CORO2A: variants seen among roughly 807,000 people sequenced by gnomAD.
The protein encoded by CORO2A is coronin 2A, also known as coronin-2A.
CORO2A carries 47 observed loss-of-function variants against 62.4 expected under a neutral mutation model. The ratio of observed to expected loss-of-function variants is 0.75; its 90% CI spans 0.60 to 0.96. The LOEUF (loss-of-function observed/expected upper bound fraction) is 0.96, where lower values mean the gene tolerates loss of function less well. Among genes scored for constraint, CORO2A ranks in the 40% least tolerant of loss-of-function variants. The pLI is 0.00. For synonymous variants in CORO2A, 273 were observed against 268.9 expected, an observed-to-expected ratio of 1.02 and a Z score of -0.15; for missense variants, 610 against 684.1, an observed-to-expected ratio of 0.89 and a Z score of 1.21.
At position 98,127,064 on chromosome 9, in the gene CORO2A, G is replaced by A. The variant is rs1827332322; in HGVS notation, c.1172-241C>T. The A allele has an allele frequency of 7.0e-6, 4 of 569,766 alleles. 1 individual carries two copies. In the South Asian group the frequency reaches 8.5e-5, roughly 12 times the overall value. 35.3% of individuals were successfully genotyped at this position (569,766 alleles called of 1,614,324 possible). A position where few individuals can be genotyped will look rare whatever the true frequency, so the allele number is the denominator to read the frequency against. ...GGTTTGTAGGAACAGCACGGTGCGT[G>A]CACTGAAGCAGCCCCCAAACACTTC... On this transcript the variant is annotated intron_variant, in intron 10 of 11. Coordinates refer to ENST00000375077, the MANE Select transcript of CORO2A (RefSeq NM_052820.4).
chr9:98,129,266 C>CA (rs1294484345), intron 8 of CORO2A, among the ~76,000 whole-genome samples: 3 of 152,158 alleles, frequency 2.0e-5, no homozygotes, highest in African/African-American at 7.2e-5. Flanking sequence ...TCCTGTGACC[C>CA]AAATGCTCTT....
chr9:98,137,444 C>A, intron 3 of CORO2A, 128 bp downstream of exon 3: 1 of 764,102 alleles, frequency 1.3e-6, no homozygotes, highest in South Asian at 1.5e-5. Context: ...CTTAACACCT[C>A]CCCACACAGT....
At chr9:98,149,322 C>T (rs1827691971) in intron 2 of CORO2A, among the ~76,000 whole-genome samples, 1 of 152,222 alleles carries the variant, frequency 6.6e-6, no homozygotes, top group Non-Finnish European at 1.5e-5. Flanking sequence ...TGCAGATTCC[C>T]TGGCCCCACT....
chr9:98,146,166 C>G (rs1827641747), intron 2 of CORO2A, among the ~76,000 whole-genome samples: 1 of 152,188 alleles, frequency 6.6e-6, no homozygotes, highest in African/African-American at 2.4e-5. Flanking sequence ...CTCTGCCTGC[C>G]CTTGCTTTCA....
At position 98,128,297 on chromosome 9, in the gene CORO2A, G is replaced by C. The variant is rs753793631; in HGVS notation, c.1081-37C>G. The C allele has an allele frequency of 1.9e-6, 3 of 1,545,382 alleles. No homozygotes were observed. The East Asian group carries it at 6.8e-5, about 35-fold the overall frequency. On this transcript the variant is annotated intron_variant, in intron 9 of 11. Coordinates refer to ENST00000375077, the MANE Select transcript of CORO2A (RefSeq NM_052820.4). The stretch of plus-strand genomic sequence containing the variant: ...ATCCAGACAGTGAGGAGGGTGGTAG[G>C]GTAGGCTGCTCAGATGGGAAAGGCC...
At chr9:98,164,977 T>A (rs1197365503) in intron 1 of CORO2A, among the ~76,000 whole-genome samples, 1 of 139,148 alleles carries the variant, frequency 7.2e-6, no homozygotes, top group Non-Finnish European at 1.5e-5. Context: ...GTAACAATTC[T>A]TTTTTTTTTG....
chr9:98,169,765 A>G (rs1207708778), intron 1 of CORO2A, among the ~76,000 whole-genome samples: 2 of 152,182 alleles, frequency 1.3e-5, no homozygotes, highest in Non-Finnish European at 2.9e-5. Flanking sequence ...TTCCCAGATA[A>G]TCTGTCTTTG....
At chr9:98,158,232 G>C (rs1390443674) in intron 1 of CORO2A, among the ~76,000 whole-genome samples, 2 of 152,262 alleles carry the variant, frequency 1.3e-5, no homozygotes, top group South Asian at 2.1e-4. Context: ...GACTGATTGA[G>C]CCCAGGAGTT....
intron 2 of CORO2A, among the ~76,000 whole-genome samples, chr9:98,153,856 C>G (rs1299895816): frequency 6.6e-6 from 1 of 152,026 alleles, no homozygotes; most frequent in African/African-American, 2.4e-5. Context: ...GAAATTCTCC[C>G]TTATCCTTCA....
At chr9:98,149,992 C>T (rs528914317) in intron 2 of CORO2A, among the ~76,000 whole-genome samples, 14 of 150,696 alleles carry the variant, frequency 9.3e-5, no homozygotes, top group African/African-American at 2.7e-4. Context: ...AGTGCAGTGG[C>T]GCGATCTTGA....
chr9:98,163,341 C>T (rs1443587702), intron 1 of CORO2A, among the ~76,000 whole-genome samples: 2 of 152,224 alleles, frequency 1.3e-5, no homozygotes, highest in Admixed American at 6.5e-5. Context: ...AGGCGCATGC[C>T]ACTGTGCCCC....
chr9:98,181,860 G>A (rs536044798), intron 1 of CORO2A, among the ~76,000 whole-genome samples: 23 of 152,152 alleles, frequency 1.5e-4, no homozygotes, highest in Admixed American at 4.6e-4. Context: ...AAAGGAACCC[G>A]CAACAAAGAA....
At chr9:98,169,215 G>A (rs771980876) in intron 1 of CORO2A, among the ~76,000 whole-genome samples, 15 of 151,750 alleles carry the variant, frequency 9.9e-5, no homozygotes, top group Non-Finnish European at 1.5e-4. Flanking sequence ...CCCCCGCGCC[G>A]CCCATCCTTC....
intron 1 of CORO2A, among the ~76,000 whole-genome samples, chr9:98,174,423 G>A (rs561407981): frequency 7.7e-4 from 118 of 152,300 alleles, no homozygotes; most frequent in South Asian, 1.7e-3. Context: ...CTGAACATAA[G>A]CTCTTCATTG....
chr9:98,154,504 A>G (rs1827777083), intron 2 of CORO2A, among the ~76,000 whole-genome samples: 1 of 151,874 alleles, frequency 6.6e-6, no homozygotes, highest in Non-Finnish European at 1.5e-5. Flanking sequence ...GACATGAACC[A>G]TTACTAGCAC....
chr9:98,171,164 C>T (rs562409793), intron 1 of CORO2A, among the ~76,000 whole-genome samples: 40 of 152,330 alleles, frequency 2.6e-4, no homozygotes, highest in African/African-American at 9.1e-4. Context: ...TCACTGTCCG[C>T]TTTCTGGCAC....
chr9:98,129,827 C>T lies in CORO2A; in HGVS notation c.934G>A (p.Glu312Lys). ...TTCTGTGGGTTATAGGAGCGGTACT[C>T]AGTCAGGTAGCTCAGGTGAGGCTTG... ...ADKPHLSYLTEYRSYNPQKGI... is the reference protein window; with the variant it reads ...ADKPHLSYLTKYRSYNPQKGI... The change falls in exon 8 of 12, where the codon GAG becomes AAG. Residue 312 changes from glutamate (E) to lysine (K), a missense_variant. Physicochemically the swap from Glu to Lys is moderately conservative, Grantham distance 56. Transcript: ENST00000375077. 1 of 1,614,088 alleles carries T rather than the reference C, an allele frequency of 6.2e-7. No homozygotes were observed. The highest frequency in any genetic ancestry group is 8.5e-7 in the Non-Finnish European group (1 of 1,179,958).
intron 2 of CORO2A, among the ~76,000 whole-genome samples, chr9:98,145,931 C>T (rs1003903896): frequency 2.0e-5 from 3 of 152,162 alleles, no homozygotes; most frequent in African/African-American, 4.8e-5. Context: ...AGGCTAGTCT[C>T]GAATGCCTGA....
At chr9:98,181,562 C>T (rs182253944) in intron 1 of CORO2A, among the ~76,000 whole-genome samples, 1 of 152,174 alleles carries the variant, frequency 6.6e-6, no homozygotes, top group East Asian at 1.9e-4. Flanking sequence ...CGTGAGCAGA[C>T]CCCTCGGCGG....
Sources: gnomAD v4.1 joint callset for allele counts (sites outside exome capture counted in the v4.1 genomes callset) on GRCh38, gnomAD v4.1.1 for gene constraint, MANE v1.5 for transcripts, NCBI Gene and HGNC (gene_info 2026-07-23, HGNC 2026-07-21) for gene names.